The following ARHGEF28 variants were observed in gnomAD, a reference collection of about 807,000 sequenced individuals.
ARHGEF28 encodes the protein Rho guanine nucleotide exchange factor 28, also known as 190 kDa guanine nucleotide exchange factor.
ARHGEF28 carries 152 observed loss-of-function variants against 206.6 expected under a neutral mutation model. The ratio of observed to expected loss-of-function variants is 0.74; its 90% CI spans 0.64 to 0.84. ARHGEF28 has a LOEUF of 0.84. Ranked by LOEUF, ARHGEF28 falls within the 40% of genes least tolerant of loss-of-function variation. The pLI, the probability that ARHGEF28 is intolerant of heterozygous loss-of-function variation, is 0.00. For synonymous variants in ARHGEF28, 763 were observed against 776.4 expected (o/e 0.98, Z 0.29); for missense variants, 2,028 against 2,073.2 (o/e 0.98, Z 0.42).
In ARHGEF28 at chr5:73,845,427, T is replaced by C. The variant is rs574805169; in HGVS notation, c.1428-841T>C. Among the ~76,000 whole-genome samples, 19 of 152,092 alleles carry C rather than the reference T, an allele frequency of 1.2e-4. 1 individual carries two copies. Among genetic ancestry groups the C allele is most frequent in the African/African-American group, 1.2e-4 (5 of 41,492 alleles). ...TTGACATGGTCCTGGGGCGGATGGG[T>C]GGGACCTTCACACATCTCTCCTTGG... On this transcript the variant is annotated intron_variant, in intron 11 of 35. Transcript: ENST00000513042.
intron 22 of ARHGEF28, among the ~76,000 whole-genome samples, chr5:73,878,728 T>C (rs899493356): frequency 4.6e-5 from 7 of 151,320 alleles, no homozygotes; most frequent in African/African-American, 1.2e-4. Flanking sequence ...AAAATTCTTT[T>C]CTTTAAGAAT....
intron 1 of ARHGEF28, among the ~76,000 whole-genome samples, chr5:73,677,570 C>T (rs1746784726): frequency 6.6e-6 from 1 of 152,284 alleles, no homozygotes; most frequent in Middle Eastern, 3.4e-3. Flanking sequence ...TATTTACTTT[C>T]CTCTTTTATT....
chr5:73,858,311 C>A (rs1449982567), intron 16 of ARHGEF28, 92 bp downstream of exon 16: 3 of 1,434,502 alleles, frequency 2.1e-6, no homozygotes, highest in Non-Finnish European at 2.8e-6. Context: ...TTTACATAAA[C>A]CTTTTCAGTG....
chr5:73,848,901 T>C, intron 12 of ARHGEF28, 75 bp from the exon 13 acceptor site: 1 of 1,054,226 alleles, frequency 9.5e-7, no homozygotes, highest in Non-Finnish European at 1.4e-6. Context: ...GCAAATTTAG[T>C]AACATTTGAG....
intron 9 of ARHGEF28, among the ~76,000 whole-genome samples, chr5:73,813,925 A>G (rs1030600505): frequency 5.3e-5 from 8 of 152,054 alleles, no homozygotes; most frequent in East Asian, 1.9e-4. Flanking sequence ...AAAAAAAAAA[A>G]AAGAAGGGAG....
intron 12 of ARHGEF28, among the ~76,000 whole-genome samples, 200 bp downstream of exon 12, chr5:73,846,675 G>A (rs1189425650): frequency 1.3e-5 from 2 of 151,946 alleles, no homozygotes; most frequent in African/African-American, 2.4e-5. Flanking sequence ...TACTCAAAAT[G>A]GCTGATTTAC....
chr5:73,654,797 G>A (rs1222285371), intron 1 of ARHGEF28, among the ~76,000 whole-genome samples: 3 of 152,134 alleles, frequency 2.0e-5, no homozygotes, highest in Non-Finnish European at 2.9e-5. Flanking sequence ...CCCCTTGTGT[G>A]TCTGATCATT....
chr5:73,797,387 T>C (rs1754883835), intron 9 of ARHGEF28, among the ~76,000 whole-genome samples: 3 of 152,158 alleles, frequency 2.0e-5, no homozygotes, highest in African/African-American at 7.2e-5. Flanking sequence ...AACACTCTTT[T>C]GTTATTTGTT....
At chr5:73,757,964 G>A (rs557924782) in intron 4 of ARHGEF28, among the ~76,000 whole-genome samples, 2 of 152,236 alleles carry the variant, frequency 1.3e-5, no homozygotes, top group South Asian at 4.1e-4. Flanking sequence ...GGTTAACTGG[G>A]ATAACACATT....
At chr5:73,770,744 T>G (rs537141224) in intron 4 of ARHGEF28, among the ~76,000 whole-genome samples, 1 of 152,208 alleles carries the variant, frequency 6.6e-6, no homozygotes, top group Non-Finnish European at 1.5e-5. Flanking sequence ...TCTTACAACA[T>G]TTTGGTCAGT....
chr5:73,875,920 T>C (rs1490467695), intron 22 of ARHGEF28, among the ~76,000 whole-genome samples: 1 of 152,124 alleles, frequency 6.6e-6, no homozygotes, highest in Non-Finnish European at 1.5e-5. Context: ...TTTGGTTCCA[T>C]ATGAACTTTC....
intron 2 of ARHGEF28, among the ~76,000 whole-genome samples, chr5:73,705,025 C>T (rs1358959369): frequency 6.6e-6 from 1 of 152,204 alleles, no homozygotes; most frequent in Admixed American, 6.5e-5. Flanking sequence ...GTAGATGGAA[C>T]ACTTTCATGT....
chr5:73,907,570 A>C (rs1007581049), intron 33 of ARHGEF28, among the ~76,000 whole-genome samples: 1 of 152,176 alleles, frequency 6.6e-6, no homozygotes, highest in Non-Finnish European at 1.5e-5. Flanking sequence ...TTTGATCCCT[A>C]TATCAGGAAA....
intron 24 of ARHGEF28, among the ~76,000 whole-genome samples, chr5:73,884,468 G>A (rs1438910082): frequency 6.6e-6 from 1 of 152,178 alleles, no homozygotes; most frequent in African/African-American, 2.4e-5. Flanking sequence ...GGCTGGTACA[G>A]AATAGATGAT....
intron 1 of ARHGEF28, among the ~76,000 whole-genome samples, chr5:73,664,146 C>G (rs1365166022): frequency 6.6e-6 from 1 of 152,240 alleles, no homozygotes; most frequent in Non-Finnish European, 1.5e-5. Flanking sequence ...CTCCTTACTG[C>G]TCCACCTGCC....
At chr5:73,720,042 C>T (rs758106145) in intron 2 of ARHGEF28, among the ~76,000 whole-genome samples, 1 of 152,130 alleles carries the variant, frequency 6.6e-6, no homozygotes, top group Non-Finnish European at 1.5e-5. Flanking sequence ...TGCTTGTTGC[C>T]GCAGAGGCGA....
At chr5:73,797,170 G>A (rs1315925155) in intron 9 of ARHGEF28, among the ~76,000 whole-genome samples, 2 of 152,272 alleles carry the variant, frequency 1.3e-5, no homozygotes, top group East Asian at 3.9e-4. Flanking sequence ...TTATGAAAAG[G>A]ACCATGATGA....
chr5:73,727,074 T>A (rs1022279901), intron 2 of ARHGEF28, among the ~76,000 whole-genome samples: 1 of 152,190 alleles, frequency 6.6e-6, no homozygotes, highest in East Asian at 1.9e-4. Flanking sequence ...TGCAAATATT[T>A]TTCTTCATTA....
At chr5:73,909,064 T>C (rs866477128) in intron 33 of ARHGEF28, 67 of 189,246 alleles carry the variant, frequency 3.5e-4, no homozygotes, top group African/African-American at 1.5e-3. Context: ...AGGACAGGAA[T>C]GCACAGCCTT....
Sources: gnomAD v4.1 joint callset for allele counts (sites outside exome capture counted in the v4.1 genomes callset) on GRCh38, gnomAD v4.1.1 for gene constraint, MANE v1.5 for transcripts, NCBI Gene and HGNC (gene_info 2026-07-23, HGNC 2026-07-21) for gene names.